Variants in ESRRG observed in about 807,000 individuals in gnomAD.
The protein encoded by ESRRG is estrogen-related receptor gamma.
ESRRG carries 13 observed loss-of-function variants against 44.0 expected under a neutral mutation model. That is an observed-to-expected ratio of 0.30 (90% CI 0.19 to 0.47). ESRRG has a LOEUF of 0.47. ESRRG is among the 20% of genes least tolerant of loss of function. The probability of loss-of-function intolerance (pLI) is 1.00; values close to 1 mark genes in which losing one functional copy is unlikely to be tolerated. For synonymous variants in ESRRG, 215 were observed against 214.6 expected, an observed-to-expected ratio of 1.00 and a Z score of -0.02; for missense variants, 395 against 580.6, an observed-to-expected ratio of 0.68 and a Z score of 3.29.
chr1:216,684,668 A>G (rs2077599552), intron 1 of ESRRG, among the ~76,000 whole-genome samples: 1 of 152,200 alleles, frequency 6.6e-6, no homozygotes, highest in Non-Finnish European at 1.5e-5. Flanking sequence ...AATCATCTAC[A>G]TCGGCTTTGA....
At chr1:217,117,974 C>A (rs1428080369) in intron 1 of ESRRG, among the ~76,000 whole-genome samples, 1 of 152,316 alleles carries the variant, frequency 6.6e-6, no homozygotes, top group East Asian at 1.9e-4. Context: ...TTCAAAAATT[C>A]ATCTTTGTCA....
At chr1:216,526,949 T>C (rs1386685108) in intron 5 of ESRRG, among the ~76,000 whole-genome samples, 2 of 152,212 alleles carry the variant, frequency 1.3e-5, no homozygotes, top group Non-Finnish European at 2.9e-5. Flanking sequence ...CCTGAAGGTT[T>C]ATTTCAGCCT....
chr1:216,719,352 A>G (rs1349141375), intron 1 of ESRRG, among the ~76,000 whole-genome samples: 2 of 151,934 alleles, frequency 1.3e-5, no homozygotes, highest in Non-Finnish European at 2.9e-5. Flanking sequence ...AAGCACAAGT[A>G]TTTTTCTGCT....
chr1:216,707,419 T>G (rs746844244), intron 1 of ESRRG: 1 of 1,535,722 alleles, frequency 6.5e-7, no homozygotes, highest in African/African-American at 1.4e-5. Flanking sequence ...CCAATCACAT[T>G]CTCGCCACAT....
chr1:216,800,329 G>A (rs2094578267), intron 2 of ESRRG, among the ~76,000 whole-genome samples: 1 of 152,140 alleles, frequency 6.6e-6, no homozygotes, highest in South Asian at 2.1e-4. Flanking sequence ...TTTTCATGGT[G>A]TGCCACTGTA....
intron 1 of ESRRG, among the ~76,000 whole-genome samples, chr1:217,081,524 G>C (rs116385066): frequency 2.0e-5 from 3 of 152,108 alleles, no homozygotes; most frequent in African/African-American, 7.2e-5. Context: ...GCCGTGCCAG[G>C]CCAAAAATAT....
chr1:216,978,908 T>C (rs2073445033), intron 1 of ESRRG, among the ~76,000 whole-genome samples: 1 of 152,134 alleles, frequency 6.6e-6, no homozygotes, highest in Admixed American at 6.6e-5. Context: ...GGCTACATGC[T>C]TAAAGAAGTG....
At chr1:216,871,697 T>A (rs2149217997) in intron 2 of ESRRG, among the ~76,000 whole-genome samples, 1 of 152,052 alleles carries the variant, frequency 6.6e-6, no homozygotes, top group East Asian at 1.9e-4. Flanking sequence ...GATTCCTTTA[T>A]CAATATGTGG....
intron 1 of ESRRG, among the ~76,000 whole-genome samples, chr1:217,053,077 A>T (rs1052524746): frequency 2.8e-5 from 4 of 144,278 alleles, no homozygotes; most frequent in Non-Finnish European, 6.0e-5. Flanking sequence ...AGGTGGAAGG[A>T]TTGCTTGAGC....
intron 2 of ESRRG, among the ~76,000 whole-genome samples, chr1:216,799,173 C>T (rs2094549804): frequency 6.6e-6 from 1 of 152,128 alleles, no homozygotes; most frequent in Non-Finnish European, 1.5e-5. Flanking sequence ...ATTGCAATTC[C>T]TATCAGACCC....
intron 2 of ESRRG, among the ~76,000 whole-genome samples, chr1:216,933,171 T>C (rs1015557824): frequency 7.2e-5 from 11 of 152,168 alleles, no homozygotes; most frequent in Admixed American, 2.6e-4. Flanking sequence ...GAAAATATTA[T>C]AGTCATTGTT....
intron 2 of ESRRG, among the ~76,000 whole-genome samples, chr1:216,792,379 C>T (rs909130863): frequency 2.0e-5 from 3 of 152,092 alleles, no homozygotes; most frequent in Non-Finnish European, 4.4e-5. Flanking sequence ...AGCTATTACT[C>T]TCTATATATT....
At chr1:216,970,731 T>A (rs2071461271) in intron 1 of ESRRG, among the ~76,000 whole-genome samples, 2 of 152,200 alleles carry the variant, frequency 1.3e-5, no homozygotes, top group South Asian at 4.1e-4. Flanking sequence ...TGAAGGACTA[T>A]CCCCCTTTGA....
chr1:216,968,132 G>C (rs1449006416), intron 1 of ESRRG, among the ~76,000 whole-genome samples: 1 of 151,960 alleles, frequency 6.6e-6, no homozygotes, highest in Non-Finnish European at 1.5e-5. Context: ...TGTATATTTT[G>C]GATAACAATC....
At chr1:216,509,534 C>G (rs1360277639) in intron 6 of ESRRG, among the ~76,000 whole-genome samples, 2 of 152,138 alleles carry the variant, frequency 1.3e-5, no homozygotes, top group Admixed American at 1.3e-4. Context: ...ATAGTCTTGC[C>G]TTTCCCACTA....
chr1:217,038,086 C>T (rs1054172032), intron 1 of ESRRG, among the ~76,000 whole-genome samples: 4 of 152,184 alleles, frequency 2.6e-5, no homozygotes, highest in Non-Finnish European at 4.4e-5. Context: ...TTTCCAGGTG[C>T]AAGGTACAAG....
At chr1:216,599,122 T>A (rs906088247) in intron 3 of ESRRG, among the ~76,000 whole-genome samples, 2 of 152,046 alleles carry the variant, frequency 1.3e-5, no homozygotes, top group African/African-American at 4.8e-5. Context: ...ATGAAAAATA[T>A]TAGAGGTTTA....
chr1:216,688,589 T>C (rs986664305), intron 1 of ESRRG, among the ~76,000 whole-genome samples: 4 of 152,168 alleles, frequency 2.6e-5, no homozygotes, highest in Admixed American at 6.5e-5. Flanking sequence ...GTTAAGATGT[T>C]AAGGCTCTGG....
chr1:216,940,397 A>G (rs375962274), intron 1 of ESRRG, among the ~76,000 whole-genome samples: 1 of 152,224 alleles, frequency 6.6e-6, no homozygotes, highest in African/African-American at 2.4e-5. Context: ...TTACTAAAAT[A>G]TAAAAAGACT....
Sources: allele counts gnomAD v4.1 joint callset (sites outside exome capture counted in the v4.1 genomes callset), GRCh38; gene constraint gnomAD v4.1.1; transcripts MANE v1.5; gene names NCBI Gene and HGNC (gene_info 2026-07-23, HGNC 2026-07-21).